Variants in GSE1 observed in about 807,000 individuals in gnomAD.
GSE1 encodes genetic suppressor element 1.
GSE1 carries 32 observed loss-of-function variants against 112.6 expected under a neutral mutation model. The observed-to-expected ratio is 0.28, with a 90% CI of 0.21 to 0.38. The LOEUF (loss-of-function observed/expected upper bound fraction) is 0.38, where lower values mean the gene tolerates loss of function less well. Among genes scored for constraint, GSE1 ranks in the 10% least tolerant of loss-of-function variants. The probability of loss-of-function intolerance (pLI) is 1.00; values close to 1 mark genes in which losing one functional copy is unlikely to be tolerated. For missense variants in GSE1, 2,348 were observed against 1,699.2 expected (o/e 1.38, Z -6.71); for synonymous variants, 1,115 against 735.6 (o/e 1.52, Z -8.35).
At chr16:85,191,120 CGTGG>C (rs2074810551) in intron 1 of GSE1, among the ~76,000 whole-genome samples, 1 of 151,992 alleles carries the variant, frequency 6.6e-6, no homozygotes. Flanking sequence ...ATTAGCTGGG[CGTGG>C]TGTTGTGTGC....
At chr16:85,238,717 G>T (rs4457976) in intron 1 of GSE1, among the ~76,000 whole-genome samples, 11,063 of 152,154 alleles carry the variant, frequency 0.073, 869 homozygotes, top group African/African-American at 0.19. Context: ...CGCTCAGCAG[G>T]GTGGGGGACC....
chr16:85,442,441 G>GATGGATGA (rs1555512303), intron 2 of GSE1, among the ~76,000 whole-genome samples: 1 of 150,356 alleles, frequency 6.7e-6, no homozygotes, highest in Non-Finnish European at 1.5e-5. Context: ...TGAATGAATG[G>GATGGATGA]ATGAATGAAT....
rs1448265484 is a variant in GSE1, at chr16:85,589,871, AG to A, written c.37+33509del. ...GTGTGAGATATTGTGAACATGTGACAGAGACATTGTGTGTGAAGGAATGTGT... is the reference window on the plus strand; with the variant it reads ...GTGTGAGATATTGTGAACATGTGACAAGACATTGTGTGTGAAGGAATGTGT... On this transcript the variant is annotated intron_variant, in intron 1 of 2. Coordinates refer to the GSE1 transcript ENST00000635906. Among the ~76,000 whole-genome samples the A allele has an allele frequency of 1.2e-4, 18 of 151,934 alleles. No homozygotes were observed. The East Asian group carries it at 3.3e-3, about 28-fold the overall frequency.
intron 1 of GSE1, among the ~76,000 whole-genome samples, chr16:85,623,512 G>C (rs2048870836): frequency 6.6e-6 from 1 of 152,160 alleles, no homozygotes; most frequent in African/African-American, 2.4e-5. Context: ...CGTTCCCCTT[G>C]GTTTTCCAGC....
At chr16:85,600,641 G>A (rs2047424367) in intron 1 of GSE1, among the ~76,000 whole-genome samples, 1 of 151,742 alleles carries the variant, frequency 6.6e-6, no homozygotes, top group African/African-American at 2.4e-5. Context: ...TTTTCCTGGT[G>A]GCTCTTTGCA....
intron 1 of GSE1, among the ~76,000 whole-genome samples, chr16:85,215,432 A>G (rs2075292315): frequency 6.6e-6 from 1 of 152,154 alleles, no homozygotes; most frequent in Non-Finnish European, 1.5e-5. Flanking sequence ...GCCAGGGATA[A>G]AAACTACACC....
chr16:85,561,129 CAAA>C, intron 1 of GSE1, among the ~76,000 whole-genome samples: 1 of 133,612 alleles, frequency 7.5e-6, no homozygotes, highest in African/African-American at 2.8e-5. Context: ...GACCTTGTCT[CAAA>C]AAAAAAAAAA....
intron 2 of GSE1, among the ~76,000 whole-genome samples, chr16:85,424,770 AC>A (rs1315026809): frequency 1.3e-5 from 2 of 151,810 alleles, no homozygotes; most frequent in Non-Finnish European, 1.5e-5. Context: ...GCGCCATGGC[AC>A]CCCCCTCACC....
intron 1 of GSE1, among the ~76,000 whole-genome samples, chr16:85,191,413 C>T (rs1002187226): frequency 2.0e-5 from 3 of 152,132 alleles, no homozygotes; most frequent in South Asian, 4.1e-4. Flanking sequence ...CTTAGAAATT[C>T]ACCCCTGAAA....
At chr16:85,292,807 C>G (rs1300949641) in intron 1 of GSE1, among the ~76,000 whole-genome samples, 1 of 152,216 alleles carries the variant, frequency 6.6e-6, no homozygotes, top group Non-Finnish European at 1.5e-5. Context: ...TTCACACATT[C>G]ACGACAGTGC....
At chr16:85,614,359 C>T (rs888334359) in intron 1 of GSE1, among the ~76,000 whole-genome samples, 7 of 152,154 alleles carry the variant, frequency 4.6e-5, no homozygotes, top group Non-Finnish European at 7.4e-5. Flanking sequence ...ATTAAATTCC[C>T]TTCATGGAGG....
At chr16:85,597,060 C>G (rs376915784) in intron 1 of GSE1, among the ~76,000 whole-genome samples, 2 of 151,978 alleles carry the variant, frequency 1.3e-5, no homozygotes, top group East Asian at 2.0e-4. Flanking sequence ...TCACTGCAAT[C>G]TCCACCTCCT....
At chr16:85,193,247 G>A (rs35867181) in intron 1 of GSE1, among the ~76,000 whole-genome samples, 6,359 of 152,186 alleles carry the variant, frequency 0.042, 313 homozygotes, top group East Asian at 0.2. Context: ...CACTCGTGAC[G>A]TGGATAGGCA....
At chr16:85,436,403 C>T (rs1307594716) in intron 2 of GSE1, among the ~76,000 whole-genome samples, 1 of 152,226 alleles carries the variant, frequency 6.6e-6, no homozygotes, top group African/African-American at 2.4e-5. Context: ...AGCATCCCGG[C>T]GTCTCTGCTC....
intron 1 of GSE1, among the ~76,000 whole-genome samples, chr16:85,313,940 G>A (rs928249087): frequency 1.4e-5 from 2 of 147,802 alleles, no homozygotes; most frequent in African/African-American, 5.3e-5. Flanking sequence ...GTGTGTGTGT[G>A]TGTGTGTGAC....
At chr16:85,667,968 G>GCTGGGTCTT (rs764429340) in intron 13 of GSE1, among the ~76,000 whole-genome samples, 172 bp from the exon 14 acceptor site, 1 of 152,044 alleles carries the variant, frequency 6.6e-6, no homozygotes, top group Non-Finnish European at 1.5e-5. Flanking sequence ...ACTTTCTCAA[G>GCTGGGTCTT]TGGCCCAGAG....
At chr16:85,599,603 C>T (rs2047376908) in intron 1 of GSE1, among the ~76,000 whole-genome samples, 1 of 152,226 alleles carries the variant, frequency 6.6e-6, no homozygotes, top group Non-Finnish European at 1.5e-5. Context: ...TCACAAGCCT[C>T]TTGCATCTCA....
intron 2 of GSE1, among the ~76,000 whole-genome samples, chr16:85,508,674 C>G (rs989331553): frequency 1.3e-5 from 2 of 152,354 alleles, no homozygotes; most frequent in Admixed American, 6.5e-5. Flanking sequence ...CAGATACAGC[C>G]TCGGAGGGGA....
chr16:85,613,437 C>T (rs1306634319), intron 1 of GSE1, 39 bp downstream of exon 1: 2 of 1,528,038 alleles, frequency 1.3e-6, no homozygotes, highest in South Asian at 1.2e-5. Context: ...GGGTCCTCCC[C>T]CCTCCCCCCA....
Sources: allele counts gnomAD v4.1 joint callset (sites outside exome capture counted in the v4.1 genomes callset), GRCh38; gene constraint gnomAD v4.1.1; transcripts MANE v1.5; gene names NCBI Gene and HGNC (gene_info 2026-07-23, HGNC 2026-07-21).